TANC1: variants seen among roughly 807,000 people sequenced by gnomAD.
TANC1 encodes the protein tetratricopeptide repeat, ankyrin repeat and coiled-coil containing 1, also known as protein TANC1.
Under a neutral mutation model 149.7 loss-of-function variants are expected in TANC1, and 77 were observed. That is an observed-to-expected ratio of 0.51 (90% CI 0.43 to 0.62). TANC1 has a LOEUF of 0.62. Among genes scored for constraint, TANC1 ranks in the 20% least tolerant of loss-of-function variants. The pLI is 0.00. For synonymous variants in TANC1, 854 were observed against 925.0 expected, an observed-to-expected ratio of 0.92 and a Z score of 1.39; for missense variants, 1,985 against 2,321.8, an observed-to-expected ratio of 0.85 and a Z score of 2.98.
At chr2:159,133,389 C>G (rs1481279659) in intron 4 of TANC1, among the ~76,000 whole-genome samples, 3 of 145,580 alleles carry the variant, frequency 2.1e-5, no homozygotes, top group African/African-American at 7.6e-5. Flanking sequence ...GGGTCTTGCT[C>G]TGTCACCTTG....
In TANC1 at chr2:159,132,783, C is replaced by T. The variant is rs114699612; in HGVS notation, c.260-3411C>T. ...TGCTGGGATTACAGGCATGAACCAC[C>T]GTGCCAGGCCTGGGTACAGTATTTG... On this transcript the variant is annotated intron_variant, in intron 4 of 26. Coordinates refer to ENST00000263635, the MANE Select transcript of TANC1 (RefSeq NM_033394.3). Among the ~76,000 whole-genome samples, 374 of 151,852 alleles carry T rather than the reference C, an allele frequency of 2.5e-3. 1 individual carries two copies. The highest frequency in any genetic ancestry group is 4.4e-3 in the Non-Finnish European group (299 of 67,950).
intron 2 of TANC1, among the ~76,000 whole-genome samples, chr2:159,025,174 C>CTT (rs1559144238): frequency 4.9e-4 from 72 of 146,436 alleles, no homozygotes; most frequent in African/African-American, 1.3e-3. Flanking sequence ...TTCTTTCTTT[C>CTT]TTTCTTTTTC....
At position 159,164,209 on chromosome 2, in the gene TANC1, C is replaced by A. The variant is rs115539094; in HGVS notation, c.946+663C>A. On this transcript the variant is annotated intron_variant, in intron 8 of 26. Coordinates refer to ENST00000263635, the MANE Select transcript of TANC1 (RefSeq NM_033394.3). ...GGAGAATACAGTCAGTCCCCTGTAT[C>A]TATAGTTCTACATCTATGGATTCAT... Among the ~76,000 whole-genome samples, 591 of 152,206 alleles carry A rather than the reference C, an allele frequency of 3.9e-3. 4 individuals are homozygous for A. The highest frequency in any genetic ancestry group is 0.013 in the African/African-American group (537 of 41,518).
intron 19 of TANC1, among the ~76,000 whole-genome samples, chr2:159,201,215 G>A (rs1318363479): frequency 3.3e-5 from 5 of 152,156 alleles, no homozygotes; most frequent in Non-Finnish European, 7.3e-5. Context: ...GCCTGCATTT[G>A]TCAGAGGAAT....
In TANC1 at chr2:159,222,746, T is replaced by C. The variant is rs78464176; in HGVS notation, c.3679-1486T>C. On this transcript the variant is annotated intron_variant, in intron 22 of 26. Transcript: ENST00000263635. ...AGACCCTGTTTTCAGTTCTTTGGGG[T>C]ATATATCCAGAAGCAGAATTTCTGG... Among the ~76,000 whole-genome samples the C allele has an allele frequency of 7.7e-3, 1,173 of 152,336 alleles. 6 individuals are homozygous for C. The highest frequency in any genetic ancestry group is 0.024 in the Middle Eastern group (7 of 294).
intron 3 of TANC1, among the ~76,000 whole-genome samples, chr2:159,067,341 C>CT (rs2042759887): frequency 6.6e-6 from 1 of 152,198 alleles, no homozygotes; most frequent in African/African-American, 2.4e-5. Context: ...GCTGTTAAAG[C>CT]TTCTCATCAA....
At chr2:158,996,803 A>G (rs2036171857) in intron 1 of TANC1, among the ~76,000 whole-genome samples, 1 of 152,214 alleles carries the variant, frequency 6.6e-6, no homozygotes, top group South Asian at 2.1e-4. Context: ...GGATAAAACA[A>G]TGCGTATACC....
chr2:159,092,222 C>G (rs1304531644), intron 3 of TANC1, among the ~76,000 whole-genome samples: 1 of 152,236 alleles, frequency 6.6e-6, no homozygotes, highest in Non-Finnish European at 1.5e-5. Flanking sequence ...CCTGCCTCTG[C>G]AGACCTATTT....
chr2:159,113,507 G>A (rs1574750010), intron 4 of TANC1, among the ~76,000 whole-genome samples: 1 of 152,192 alleles, frequency 6.6e-6, no homozygotes, highest in African/African-American at 2.4e-5. Flanking sequence ...AATGTAAAGT[G>A]CCTGGCTCCT....
intron 5 of TANC1, among the ~76,000 whole-genome samples, chr2:159,138,869 C>G (rs2051060058): frequency 6.6e-6 from 1 of 152,152 alleles, no homozygotes; most frequent in African/African-American, 2.4e-5. Context: ...CTCACTTTTG[C>G]TTTGGTCATG....
At chr2:159,111,826 G>T (rs2047759235) in intron 4 of TANC1, among the ~76,000 whole-genome samples, 1 of 152,210 alleles carries the variant, frequency 6.6e-6, no homozygotes, top group Admixed American at 6.5e-5. Context: ...TCTATCTTGG[G>T]CTGTTTGAAG....
intron 16 of TANC1, 38 bp from the exon 17 acceptor site, chr2:159,194,219 T>C: frequency 6.5e-7 from 1 of 1,537,810 alleles, no homozygotes; most frequent in Non-Finnish European, 9.0e-7. Context: ...TTAGATGACA[T>C]ACATGTGACA....
At chr2:159,085,561 G>T (rs972872745) in intron 3 of TANC1, among the ~76,000 whole-genome samples, 2 of 152,106 alleles carry the variant, frequency 1.3e-5, no homozygotes, top group Non-Finnish European at 2.9e-5. Context: ...AGAAAGGGGG[G>T]TTATTTTGTC....
intron 25 of TANC1, chr2:159,228,353 A>T (rs1559498866): frequency 3.9e-6 from 1 of 258,758 alleles, no homozygotes; most frequent in Non-Finnish European, 7.4e-6. Context: ...TCTGCCAGTA[A>T]CTAATTTGTA....
intron 1 of TANC1, among the ~76,000 whole-genome samples, chr2:158,986,345 G>A (rs1002363642): frequency 6.6e-6 from 1 of 152,192 alleles, no homozygotes; most frequent in African/African-American, 2.4e-5. Context: ...AGGAGGGGAG[G>A]GGCAGAGTTT....
intron 19 of TANC1, among the ~76,000 whole-genome samples, chr2:159,201,151 C>G (rs1448566729): frequency 6.6e-6 from 1 of 152,192 alleles, no homozygotes; most frequent in African/African-American, 2.4e-5. Flanking sequence ...TTCTCTTGTG[C>G]CCCTTCAAAG....
intron 19 of TANC1, among the ~76,000 whole-genome samples, chr2:159,201,443 G>T (rs2058240119): frequency 6.6e-6 from 1 of 152,202 alleles, no homozygotes; most frequent in African/African-American, 2.4e-5. Context: ...CACAGTCCTG[G>T]TTCTCACCAA....
At chr2:159,075,287 G>A (rs1022724696) in intron 3 of TANC1, among the ~76,000 whole-genome samples, 5 of 151,978 alleles carry the variant, frequency 3.3e-5, no homozygotes, top group African/African-American at 4.8e-5. Flanking sequence ...CGAAAAATAC[G>A]CTGGGCCCAG....
At chr2:159,182,893 CG>C (rs2056633619) in intron 14 of TANC1, among the ~76,000 whole-genome samples, 1 of 152,168 alleles carries the variant, frequency 6.6e-6, no homozygotes. Context: ...TCTGTTAACT[CG>C]AGGAGTTAAT....
Sources: gnomAD v4.1 joint callset for allele counts (sites outside exome capture counted in the v4.1 genomes callset) on GRCh38, gnomAD v4.1.1 for gene constraint, MANE v1.5 for transcripts, NCBI Gene and HGNC (gene_info 2026-07-23, HGNC 2026-07-21) for gene names.